GGA2: variants seen among roughly 807,000 people sequenced by gnomAD.
GGA2 encodes the protein golgi associated, gamma adaptin ear containing, ARF binding protein 2, also known as ADP-ribosylation factor-binding protein GGA2.
In GGA2, 48 loss-of-function variants were observed where a neutral mutation model predicts 79.5. The ratio of observed to expected loss-of-function variants is 0.60; its 90% CI spans 0.48 to 0.77. The LOEUF (loss-of-function observed/expected upper bound fraction) is 0.77. GGA2 is among the 30% of genes least tolerant of loss of function. The pLI is 0.00. For missense variants in GGA2, 770 were observed against 774.0 expected, an observed-to-expected ratio of 0.99 and a Z score of 0.06; for synonymous variants, 317 against 302.0, an observed-to-expected ratio of 1.05 and a Z score of -0.51.
intron 1 of GGA2, among the ~76,000 whole-genome samples, chr16:23,499,344 C>CT (rs921209188): frequency 2.6e-5 from 4 of 152,028 alleles, no homozygotes; most frequent in African/African-American, 9.7e-5. Flanking sequence ...TGGGGTTTCA[C>CT]TATATTGGCC....
rs1964411206 is a variant in GGA2, at chr16:23,464,589, T to C, written c.*3001A>G. 6.7e-6 allele frequency: 1 copy of C among 149,678 alleles called. No individual in the cohort carries two copies. Among genetic ancestry groups the C allele is most frequent in the East Asian group, 1.9e-4 (1 of 5,132 alleles). The allele number at this position is 149,678 out of a possible 1,614,324, so 9.3% of individuals were successfully genotyped here. On this transcript the variant is annotated 3_prime_UTR_variant, in exon 17 of 17. Coordinates refer to ENST00000309859, the MANE Select transcript of GGA2 (RefSeq NM_015044.4). ...AAAGCCCAAATCAGAGCAGTGGCAATGTAAGTGCAGGGAGGACATGATGTG... is the reference window on the plus strand; with the variant it reads ...AAAGCCCAAATCAGAGCAGTGGCAACGTAAGTGCAGGGAGGACATGATGTG...
Position 23,510,354 on chromosome 16 carries a change from G to T in GGA2, c.58C>A (p.Pro20Thr). The T allele has an allele frequency of 7.0e-7, 1 of 1,437,102 alleles. No individual in the cohort carries two copies. Among genetic ancestry groups the T allele is most frequent in the Non-Finnish European group, 9.1e-7 (1 of 1,095,896 alleles). The allele number at this position is 1,437,102 out of a possible 1,614,324, so 89.0% of individuals were successfully genotyped here. A position where few individuals can be genotyped will look rare whatever the true frequency, so the allele number is the denominator to read the frequency against. Residue 20 changes from proline to threonine, a missense_variant, in exon 1 of 17, where the codon CCG (proline) becomes ACG (threonine). Pro to Thr is a conservative substitution (Grantham distance 38). Coordinates refer to ENST00000309859, the MANE Select transcript of GGA2 (RefSeq NM_015044.4). ...AGCTCCAGCGACGCTGCCGGGCCCG[G>T]GGGACCCTGGGCCGACTCGGTTCCC... ...VAGTESAQGP[P>T]GPAASLELWL...
intron 5 of GGA2, among the ~76,000 whole-genome samples, chr16:23,489,616 C>A (rs1466061147): frequency 6.6e-6 from 1 of 152,176 alleles, no homozygotes; most frequent in Non-Finnish European, 1.5e-5. Flanking sequence ...AGGAAAAAAA[C>A]AACCTCCAAG....
At chr16:23,494,985 T>A (rs1964836420) in intron 2 of GGA2, among the ~76,000 whole-genome samples, 1 of 151,426 alleles carries the variant, frequency 6.6e-6, no homozygotes, top group South Asian at 2.1e-4. Context: ...CTTGGGAGGC[T>A]GAGGCAGGAG....
intron 2 of GGA2, 54 bp from the exon 3 acceptor site, chr16:23,494,432 G>C: frequency 2.7e-6 from 3 of 1,109,032 alleles, no homozygotes; most frequent in South Asian, 2.5e-5. Flanking sequence ...AAACTAACCC[G>C]AGTGGCTGAG....
intron 1 of GGA2, among the ~76,000 whole-genome samples, chr16:23,501,815 T>C (rs1013061537): frequency 6.6e-6 from 1 of 152,198 alleles, no homozygotes; most frequent in African/African-American, 2.4e-5. Flanking sequence ...AGTTAGCCAC[T>C]TGAAGGAACT....
upstream of GGA2, among the ~76,000 whole-genome samples, chr16:23,511,723 A>C (rs776681718): frequency 2.0e-5 from 3 of 152,204 alleles, no homozygotes; most frequent in African/African-American, 4.8e-5. Flanking sequence ...TTTCCCAAAA[A>C]AGTATGTCAT....
upstream of GGA2, among the ~76,000 whole-genome samples, chr16:23,511,050 T>TGTGTGTGTGTGTGTGTGTGTGTGTG (rs57500272): frequency 1.3e-5 from 2 of 149,510 alleles, no homozygotes; most frequent in African/African-American, 2.5e-5. Context: ...TGTGTGTGTG[T>TGTGTGTGTGTGTGTGTGTGTGTGTG]TAGAGACTGG....
chr16:23,511,846 TC>T (rs1462561087), upstream of GGA2, among the ~76,000 whole-genome samples: 2 of 152,162 alleles, frequency 1.3e-5, no homozygotes. Flanking sequence ...GGCAAATTTA[TC>T]TGGAAAAAAA....
At position 23,486,039 on chromosome 16, in the gene GGA2, G is replaced by A. The variant is rs760802538; in HGVS notation, c.774C>T (p.Ala258=). Residue 258 remains alanine (A), a synonymous_variant, in exon 8 of 17, where the codon GCC becomes GCT. Transcript: ENST00000309859. The part of the protein sequence containing the change: ...MLSMYRRPGQ[A]PPDQEALQVV... The stretch of plus-strand genomic sequence containing the variant: ...CCTGCAGGGCCTCCTGGTCGGGCGG[G>A]GCCTGCCCTGGCCTGCGGTACATGC... 1.1e-5 allele frequency: 18 copies of A among 1,614,018 alleles called. No homozygotes were observed. Among genetic ancestry groups the A allele is most frequent in the Non-Finnish European group, 1.3e-5 (15 of 1,180,000 alleles).
chr16:23,469,117 C>A, intron 15 of GGA2, 121 bp from the exon 16 acceptor site: 1 of 624,884 alleles, frequency 1.6e-6, no homozygotes, highest in South Asian at 1.8e-5. Flanking sequence ...CCCTCTTAAA[C>A]GTGGTACCCC....
intron 1 of GGA2, among the ~76,000 whole-genome samples, chr16:23,504,140 C>T (rs1964949810): frequency 6.7e-6 from 1 of 148,654 alleles, no homozygotes; most frequent in Non-Finnish European, 1.5e-5. Context: ...GTCCTCAGAA[C>T]AATCCAGGTT....
chr16:23,518,173 A>C (rs944318287), intron 2 of GGA2, among the ~76,000 whole-genome samples: 2 of 151,724 alleles, frequency 1.3e-5, no homozygotes, highest in Non-Finnish European at 2.9e-5. Flanking sequence ...CACCTCCCAA[A>C]GTGCTAGGAT....
chr16:23,507,772 C>T (rs984329853), intron 1 of GGA2, among the ~76,000 whole-genome samples: 5 of 152,030 alleles, frequency 3.3e-5, no homozygotes, highest in Admixed American at 3.3e-4. Flanking sequence ...TGCACTCCAG[C>T]CTGGGCAACA....
chr16:23,518,413 A>G (rs779149219), intron 2 of GGA2, among the ~76,000 whole-genome samples: 1 of 151,744 alleles, frequency 6.6e-6, no homozygotes, highest in South Asian at 2.1e-4. Context: ...GGGTTTCACC[A>G]TGTTGCCCAG....
At chr16:23,494,927 T>A (rs1279611394) in intron 2 of GGA2, among the ~76,000 whole-genome samples, 1 of 151,378 alleles carries the variant, frequency 6.6e-6, no homozygotes, top group Non-Finnish European at 1.5e-5. Flanking sequence ...ACTAAAAAAA[T>A]ACAAAAAATT....
At chr16:23,470,829 T>C (rs1289367461) in intron 14 of GGA2, among the ~76,000 whole-genome samples, 1 of 142,536 alleles carries the variant, frequency 7.0e-6, no homozygotes, top group African/African-American at 2.7e-5. Flanking sequence ...TAAATGCTTT[T>C]TTTTTTTTTT....
At chr16:23,484,897 TA>T (rs2142125186) in intron 8 of GGA2, among the ~76,000 whole-genome samples, 1 of 152,344 alleles carries the variant, frequency 6.6e-6, no homozygotes, top group East Asian at 1.9e-4. Flanking sequence ...TATGTTCACA[TA>T]AAAACTTGGA....
chr16:23,467,671 T>C lies in GGA2; in HGVS notation c.1761A>G (p.Thr587=), dbSNP rs779362062. 6.2e-7 allele frequency: 1 copy of C among 1,603,948 alleles called. No individual in the cohort carries two copies. Among genetic ancestry groups the C allele is most frequent in the Non-Finnish European group, 8.5e-7 (1 of 1,170,766 alleles). Residue 587 remains threonine, a synonymous_variant, in exon 17 of 17, where the codon ACA becomes ACG. Coordinates refer to ENST00000309859, the MANE Select transcript of GGA2 (RefSeq NM_015044.4). ...TGAAAGGCTGTCCACCTTGGTTGAA[T>C]GTCAGCTTGTACCGTAAGCGGATAG... The part of the protein sequence containing the change: ...KEPIRLRYKL[T]FNQGGQPFSE...
Sources: gnomAD v4.1 joint callset for allele counts (sites outside exome capture counted in the v4.1 genomes callset) on GRCh38, gnomAD v4.1.1 for gene constraint, MANE v1.5 for transcripts, NCBI Gene and HGNC (gene_info 2026-07-23, HGNC 2026-07-21) for gene names.